Variants in IQGAP3 observed in about 807,000 individuals in gnomAD.
IQGAP3 encodes the protein IQ motif containing GTPase activating protein 3, also known as ras GTPase-activating-like protein IQGAP3.
In IQGAP3, 165 loss-of-function variants were observed where a neutral mutation model predicts 208.2. The ratio of observed to expected loss-of-function variants is 0.79; its 90% CI spans 0.70 to 0.90. The LOEUF (loss-of-function observed/expected upper bound fraction) is 0.90, where lower values mean the gene tolerates loss of function less well. Ranked by LOEUF, IQGAP3 falls within the 40% of genes least tolerant of loss-of-function variation. The pLI, the probability that IQGAP3 is intolerant of heterozygous loss-of-function variation, is 0.00. For synonymous variants in IQGAP3, 703 were observed against 803.6 expected, an observed-to-expected ratio of 0.87 and a Z score of 2.12; for missense variants, 1,811 against 2,043.1, an observed-to-expected ratio of 0.89 and a Z score of 2.19.
rs1676124368 is a variant in IQGAP3 at position 156,560,998 on chromosome 1, C to T, written c.1065G>A (p.Leu355=). 2 of 1,613,730 alleles carry T rather than the reference C, an allele frequency of 1.2e-6. No homozygotes were observed. Among genetic ancestry groups the T allele is most frequent in the Non-Finnish European group, 1.7e-6 (2 of 1,179,868 alleles). Residue 355 remains leucine, a synonymous_variant, in exon 11 of 38, where the codon CTG becomes CTA. Coordinates refer to ENST00000361170, the MANE Select transcript of IQGAP3 (RefSeq NM_178229.5). Reference sequence around the variant, plus strand: ...CACCAGCCTGGACTTCCTCCTTTTCCAGAAGCTCCACCAGGCCCAGCTCCT... The same window carrying T: ...CACCAGCCTGGACTTCCTCCTTTTCTAGAAGCTCCACCAGGCCCAGCTCCT... The part of the protein sequence containing the change: ...KAQELGLVEL[L]EKEEVQAGVA...
chr1:156,526,986 C>G (rs1399310759), intron 37 of IQGAP3, among the ~76,000 whole-genome samples: 1 of 151,810 alleles, frequency 6.6e-6, no homozygotes, highest in African/African-American at 2.4e-5. Flanking sequence ...GCAGGTGCCA[C>G]CACGCCAGGC....
chr1:156,570,087 G>A (rs553347312), intron 1 of IQGAP3, among the ~76,000 whole-genome samples: 80 of 152,252 alleles, frequency 5.3e-4, no homozygotes, highest in Non-Finnish European at 8.4e-4. Context: ...TCCCTAATTA[G>A]ACTGAGTTCT....
At chr1:156,545,670 T>A (rs1039992127) in intron 19 of IQGAP3, among the ~76,000 whole-genome samples, 4 of 152,108 alleles carry the variant, frequency 2.6e-5, no homozygotes, top group Non-Finnish European at 5.9e-5. Flanking sequence ...TGATTACTTT[T>A]TTATGTTTTG....
chr1:156,544,320 A>G (rs899657332), intron 20 of IQGAP3, 69 bp downstream of exon 20: 130 of 1,560,348 alleles, frequency 8.3e-5, no homozygotes, highest in Non-Finnish European at 1.1e-4. Flanking sequence ...CAAGAAGGTG[A>G]CAAGACTACA....
chr1:156,529,980 G>A, intron 34 of IQGAP3, 125 bp downstream of exon 34: 1 of 680,654 alleles, frequency 1.5e-6, no homozygotes, highest in Non-Finnish European at 2.5e-6. Flanking sequence ...CCTTCCTCTG[G>A]CTGGTGACAA....
At chr1:156,542,287 T>C (rs1443112199) in intron 22 of IQGAP3, among the ~76,000 whole-genome samples, 1 of 152,182 alleles carries the variant, frequency 6.6e-6, no homozygotes, top group Non-Finnish European at 1.5e-5. Flanking sequence ...CTTCCTGGGC[T>C]CAAGAGATTG....
At position 156,530,304 on chromosome 1, in the gene IQGAP3, T is replaced by C. The variant is rs115742679; in HGVS notation, c.4205A>G (p.Lys1402Arg). The C allele has an allele frequency of 6.4e-3, 10,269 of 1,608,434 alleles. 35 individuals are homozygous for C. Among genetic ancestry groups the C allele is most frequent in the Non-Finnish European group, 7.3e-3 (8,561 of 1,179,802 alleles). Residue 1402 changes from lysine (K) to arginine (R), a missense_variant, in exon 34 of 38, where the codon AAG becomes AGG. Coordinates refer to ENST00000361170, the MANE Select transcript of IQGAP3 (RefSeq NM_178229.5). ...GGCCTGGCGTCGGCTCATCAGCTGC[T>C]TGTGGGCTGCTTCCTGGGGACACAC... ...SASREQEAAHKQLMSRRQACT... is the reference protein window; with the variant it reads ...SASREQEAAHRQLMSRRQACT...
At chr1:156,559,662 T>C (rs1292331736) in intron 11 of IQGAP3, among the ~76,000 whole-genome samples, 33 of 151,830 alleles carry the variant, frequency 2.2e-4, no homozygotes, top group Non-Finnish European at 2.9e-5. Context: ...CATCAACAGG[T>C]GAGAATGTGG....
At chr1:156,571,382 C>T (rs1408108425) in intron 1 of IQGAP3, among the ~76,000 whole-genome samples, 2 of 152,150 alleles carry the variant, frequency 1.3e-5, no homozygotes, top group Non-Finnish European at 2.9e-5. Context: ...TATCCTATTT[C>T]CTTATATTGC....
chr1:156,571,464 T>C (rs1280743033), intron 1 of IQGAP3, among the ~76,000 whole-genome samples: 1 of 152,118 alleles, frequency 6.6e-6, no homozygotes, highest in Non-Finnish European at 1.5e-5. Flanking sequence ...AACACATGCG[T>C]GCACACACAC....
rs775939606 is a variant in IQGAP3 at position 156,562,004 on chromosome 1, G to GA, written c.878-4dup. ...AACAACTTCTAGAGCCCCATGGACTGAAAAAAAATGACTCCATAATGGACA... is the reference window on the plus strand; with the variant it reads ...AACAACTTCTAGAGCCCCATGGACTGAAAAAAAAATGACTCCATAATGGACA... On this transcript the variant is annotated splice_region_variant and splice_polypyrimidine_tract_variant and intron_variant, in intron 9 of 37. Coordinates refer to ENST00000361170, the MANE Select transcript of IQGAP3 (RefSeq NM_178229.5). 8 of 1,590,352 alleles carry GA rather than the reference G, an allele frequency of 5.0e-6. No homozygotes were observed. Among genetic ancestry groups the GA allele is most frequent in the East Asian group, 2.2e-5 (1 of 44,628 alleles).
Position 156,572,505 on chromosome 1 carries a change from C to G in IQGAP3, c.25G>C (p.Gly9Arg). 6.2e-7 allele frequency: 1 copy of G among 1,611,952 alleles called. No individual in the cohort carries two copies. The highest frequency in any genetic ancestry group is 1.1e-5 in the South Asian group (1 of 91,088). ...TCTCCGCACTCACAGGCTGCCCAGC[C>G]TGGGCCCGCTGCTCTCCTCTCCATG... MERRAAGP[G>R]WAAYERLTAE... is the part of the protein sequence containing the mutation. Residue 9 changes from glycine (G) to arginine (R), a missense_variant, in exon 1 of 38, where the codon GGC (glycine) becomes CGC (arginine). Coordinates refer to ENST00000361170, the MANE Select transcript of IQGAP3 (RefSeq NM_178229.5).
rs528981386 is a variant in IQGAP3 at position 156,548,210 on chromosome 1, G to A, written c.2167C>T (p.Arg723Cys). The change falls in exon 19 of 38, where the codon CGC becomes TGC. Residue 723 changes from arginine (R) to cysteine (C), a missense_variant. By Grantham distance (180) the Arg-to-Cys change is radical. Transcript: ENST00000361170. ...ACGTTGGCTTTCCAGAGCTGTTGGC[G>A]GTCATAGGCAGCAGTGACCTTGGTG... Reference protein sequence around the residue: ...AVTKVTAAYDRQQLWKANVGF... With the variant: ...AVTKVTAAYDCQQLWKANVGF... 4.3e-5 allele frequency: 70 copies of A among 1,614,098 alleles called. No individual in the cohort carries two copies. The highest frequency in any genetic ancestry group is 1.3e-4 in the South Asian group (12 of 91,064).
intron 2 of IQGAP3, among the ~76,000 whole-genome samples, chr1:156,567,473 G>A (rs2102447322): frequency 6.6e-6 from 1 of 152,220 alleles, no homozygotes; most frequent in South Asian, 2.1e-4. Context: ...TCCTTCAGTG[G>A]GCAGCTGCCA....
At chr1:156,546,524 A>G (rs902558431) in intron 19 of IQGAP3, among the ~76,000 whole-genome samples, 4 of 152,166 alleles carry the variant, frequency 2.6e-5, no homozygotes, top group African/African-American at 4.8e-5. Flanking sequence ...ACAGATCACT[A>G]AAGTTCTGTA....
chr1:156,547,424 CAG>C (rs1491298864), intron 19 of IQGAP3, among the ~76,000 whole-genome samples: 218 of 146,954 alleles, frequency 1.5e-3, no homozygotes, highest in African/African-American at 5.5e-3. Context: ...CACACACACA[CAG>C]ACACACACAC....
chr1:156,556,935 T>TAAG (rs143644649), intron 11 of IQGAP3, among the ~76,000 whole-genome samples: 1 of 41,718 alleles, frequency 2.4e-5, no homozygotes, highest in African/African-American at 5.8e-5. Context: ...GCTCAGCCTC[T>TAAG]GCCCCGCCGC....
intron 19 of IQGAP3, among the ~76,000 whole-genome samples, chr1:156,547,723 C>T (rs1675327881): frequency 6.6e-6 from 1 of 152,190 alleles, no homozygotes; most frequent in Admixed American, 6.5e-5. Context: ...CATGTTCTTA[C>T]CTACCTCCCA....
At position 156,548,666 on chromosome 1, in the gene IQGAP3, T is replaced by C; in HGVS notation, c.1908A>G (p.Ala636=). ...CGGGAACTACCCCTCGAAGGGCCAC[T>C]GCGGGGTTCCTCAACACCCGCTCAG... ...AQTERVLRNP[A]VALRGVVPDC... Residue 636 remains alanine, a synonymous_variant, in exon 17 of 38, where the codon GCA becomes GCG. Coordinates refer to ENST00000361170, the MANE Select transcript of IQGAP3 (RefSeq NM_178229.5). The C allele has an allele frequency of 6.2e-7, 1 of 1,612,308 alleles. No homozygotes were observed. The highest frequency in any genetic ancestry group is 8.5e-7 in the Non-Finnish European group (1 of 1,178,848).
Sources: gnomAD v4.1 joint callset for allele counts (sites outside exome capture counted in the v4.1 genomes callset) on GRCh38, gnomAD v4.1.1 for gene constraint, MANE v1.5 for transcripts, NCBI Gene and HGNC (gene_info 2026-07-23, HGNC 2026-07-21) for gene names.